The following RFX4 variants were observed in gnomAD, a reference collection of about 807,000 sequenced individuals.
RFX4 encodes regulatory factor X4.
In RFX4, 10 loss-of-function variants were observed where a neutral mutation model predicts 95.0. The observed-to-expected ratio is 0.11, with a 90% CI of 0.06 to 0.18. RFX4 has a LOEUF of 0.18. Among genes scored for constraint, RFX4 ranks in the 10% least tolerant of loss-of-function variants. The pLI, the probability that RFX4 is intolerant of heterozygous loss-of-function variation, is 1.00. For missense variants in RFX4, 640 were observed against 922.0 expected (o/e 0.69, Z 3.96); for synonymous variants, 321 against 340.7 (o/e 0.94, Z 0.64).
chr12:106,585,066 C>A (rs2039434559), intron 1 of RFX4, among the ~76,000 whole-genome samples: 1 of 152,230 alleles, frequency 6.6e-6, no homozygotes, highest in Non-Finnish European at 1.5e-5. Context: ...AGAACCCTAA[C>A]ATTAAAAATG....
At chr12:106,728,875 G>T (rs576569844) in intron 13 of RFX4, among the ~76,000 whole-genome samples, 2 of 152,310 alleles carry the variant, frequency 1.3e-5, no homozygotes, top group East Asian at 3.9e-4. Context: ...ACAATGGTAA[G>T]CAGGTAGCAG....
chr12:106,622,061 G>A (rs1386734257), intron 2 of RFX4, among the ~76,000 whole-genome samples: 1 of 152,086 alleles, frequency 6.6e-6, no homozygotes, highest in Admixed American at 6.5e-5. Flanking sequence ...TCTTAGACAA[G>A]GAAATTGAGA....
At chr12:106,655,230 A>C (rs11113073) in intron 4 of RFX4, among the ~76,000 whole-genome samples, 200 of 152,348 alleles carry the variant, frequency 1.3e-3, no homozygotes, top group African/African-American at 4.6e-3. Flanking sequence ...GGAGAGCCCA[A>C]AAATGGAGTG....
At chr12:106,684,363 C>T (rs1046048421) in intron 5 of RFX4, among the ~76,000 whole-genome samples, 1 of 151,886 alleles carries the variant, frequency 6.6e-6, no homozygotes, top group Non-Finnish European at 1.5e-5. Flanking sequence ...CGAGACCTGT[C>T]TCAAAAAAAA....
chr12:106,698,901 T>C (rs181612839), intron 8 of RFX4, among the ~76,000 whole-genome samples: 1 of 152,192 alleles, frequency 6.6e-6, no homozygotes, highest in East Asian at 1.9e-4. Flanking sequence ...CTGTTTTCAA[T>C]TTTATTGACT....
intron 3 of RFX4, among the ~76,000 whole-genome samples, chr12:106,643,209 C>T (rs2040670522): frequency 6.6e-6 from 1 of 152,294 alleles, no homozygotes; most frequent in South Asian, 2.1e-4. Flanking sequence ...ATGATTCAGC[C>T]TCCCAGTAGG....
chr12:106,611,173 G>T (rs2039954550), intron 2 of RFX4, among the ~76,000 whole-genome samples: 2 of 152,060 alleles, frequency 1.3e-5, no homozygotes, highest in African/African-American at 4.8e-5. Flanking sequence ...GTTTTCTGTT[G>T]TTTAGTTGTA....
intron 4 of RFX4, chr12:106,662,310 T>C (rs2137341694): frequency 5.1e-6 from 1 of 197,136 alleles, no homozygotes; most frequent in East Asian, 1.6e-4. Context: ...CCTGATAACA[T>C]GTGATGTGGA....
intron 1 of RFX4, among the ~76,000 whole-genome samples, chr12:106,604,515 A>T (rs1019907629): frequency 2.6e-5 from 4 of 151,550 alleles, no homozygotes; most frequent in African/African-American, 9.7e-5. Flanking sequence ...CGCCTTTGAT[A>T]TGTTATACTT....
chr12:106,656,354 C>G (rs564166912), intron 4 of RFX4, among the ~76,000 whole-genome samples: 5 of 152,196 alleles, frequency 3.3e-5, no homozygotes, highest in African/African-American at 1.2e-4. Context: ...CAGAATGAAA[C>G]GTTCCCAGCA....
In RFX4 at chr12:106,715,562, G is replaced by A; in HGVS notation, c.1138+18G>A. The A allele has an allele frequency of 6.2e-7, 1 of 1,609,772 alleles. No individual in the cohort carries two copies. The highest frequency in any genetic ancestry group is 8.5e-7 in the Non-Finnish European group (1 of 1,177,466). ...CACCCAATGTAAGCTGTCCCACCAGGGATTGTTGTCCTGTTTTTATTTTTA... is the reference window on the plus strand; with the variant it reads ...CACCCAATGTAAGCTGTCCCACCAGAGATTGTTGTCCTGTTTTTATTTTTA... On this transcript the variant is annotated intron_variant, in intron 11 of 17. Coordinates refer to ENST00000392842, the MANE Select transcript of RFX4 (RefSeq NM_213594.3).
chr12:106,589,644 G>A (rs958470969), intron 1 of RFX4, among the ~76,000 whole-genome samples: 1 of 152,266 alleles, frequency 6.6e-6, no homozygotes, highest in African/African-American at 2.4e-5. Context: ...CCCCACCCAG[G>A]CCACATCACC....
chr12:106,697,966 A>C (rs191708326), intron 8 of RFX4, among the ~76,000 whole-genome samples: 1 of 151,388 alleles, frequency 6.6e-6, no homozygotes, highest in East Asian at 1.9e-4. Context: ...TAATTATTAT[A>C]ATTATTATTA....
At position 106,675,754 on chromosome 12, in the gene RFX4, G is replaced by C. The variant is rs550168082; in HGVS notation, c.316-6239G>C. Among the ~76,000 whole-genome samples, 3 of 152,324 alleles carry C rather than the reference G, an allele frequency of 2.0e-5. No individual in the cohort carries two copies. The South Asian group carries it at 6.2e-4, about 32-fold the overall frequency. On this transcript the variant is annotated intron_variant, in intron 4 of 17. Transcript: ENST00000392842. Reference sequence around the variant, plus strand: ...GATGAGTAGACATTAGGCAGAAAAAGGGTGTGAAGAGAGGGCTCTGGACAA... The same window carrying C: ...GATGAGTAGACATTAGGCAGAAAAACGGTGTGAAGAGAGGGCTCTGGACAA...
At position 106,709,447 on chromosome 12, in the gene RFX4, G is replaced by C. The variant is rs370371490; in HGVS notation, c.934+17G>C. The C allele has an allele frequency of 6.3e-6, 10 of 1,583,284 alleles. No individual in the cohort carries two copies. Among genetic ancestry groups the C allele is most frequent in the Non-Finnish European group, 6.9e-6 (8 of 1,160,592 alleles). ...AGTTCGAATGTAAGTACTGAGTTGA[G>C]AGCGGGATGGAAGAGAGAATTACAT... On this transcript the variant is annotated intron_variant, in intron 9 of 17. Coordinates refer to ENST00000392842, the MANE Select transcript of RFX4 (RefSeq NM_213594.3).
At chr12:106,677,702 G>A (rs887913926) in intron 4 of RFX4, among the ~76,000 whole-genome samples, 1 of 152,012 alleles carries the variant, frequency 6.6e-6, no homozygotes, top group African/African-American at 2.4e-5. Flanking sequence ...GTGAGACCCT[G>A]TCTCAAAAAA....
At chr12:106,616,658 T>A (rs1024431765) in intron 2 of RFX4, among the ~76,000 whole-genome samples, 2 of 152,204 alleles carry the variant, frequency 1.3e-5, no homozygotes, top group Non-Finnish European at 2.9e-5. Flanking sequence ...ATTTATATTT[T>A]TATTTCTTTT....
At chr12:106,712,397 A>C (rs2042207837) in intron 10 of RFX4, among the ~76,000 whole-genome samples, 1 of 151,472 alleles carries the variant, frequency 6.6e-6, no homozygotes, top group Non-Finnish European at 1.5e-5. Context: ...TCCTCATTCC[A>C]CCAACTCTCT....
At position 106,601,371 on chromosome 12, in the gene RFX4, G is replaced by A. The variant is rs1308101261; in HGVS notation, c.44-7426G>A. 1.2e-5 allele frequency: 18 copies of A among 1,563,254 alleles called. No homozygotes were observed. The South Asian group carries it at 2.1e-4, about 18-fold the overall frequency. On this transcript the variant is annotated intron_variant, in intron 1 of 17. Transcript: ENST00000392842. ...GGTAATGACCAGGGCCCAGGGACAG[G>A]AGACTGGGGTGGGCCTGGCACCCTC...
Sources: gnomAD v4.1 joint callset for allele counts (sites outside exome capture counted in the v4.1 genomes callset) on GRCh38, gnomAD v4.1.1 for gene constraint, MANE v1.5 for transcripts, NCBI Gene and HGNC (gene_info 2026-07-23, HGNC 2026-07-21) for gene names.